Variants in LRRTM4 observed in about 807,000 individuals in gnomAD.
LRRTM4 encodes leucine rich repeat transmembrane neuronal 4.
In LRRTM4, 25 loss-of-function variants were observed where a neutral mutation model predicts 47.6. The observed-to-expected ratio is 0.53, with a 90% CI of 0.38 to 0.73. LRRTM4 has a LOEUF of 0.73. Among genes scored for constraint, LRRTM4 ranks in the 30% least tolerant of loss-of-function variants. LRRTM4 has a pLI of 0.00. For synonymous variants in LRRTM4, 311 were observed against 269.5 expected, an observed-to-expected ratio of 1.15 and a Z score of -1.51; for missense variants, 638 against 713.4, an observed-to-expected ratio of 0.89 and a Z score of 1.20.
At chr2:77,506,414 AAT>A (rs1678777125) in intron 3 of LRRTM4, among the ~76,000 whole-genome samples, 2 of 151,888 alleles carry the variant, frequency 1.3e-5, no homozygotes, top group South Asian at 4.1e-4. Flanking sequence ...CATAATGAAT[AAT>A]GTTATTATTG....
intron 3 of LRRTM4, 70 bp downstream of exon 3, chr2:77,518,248 T>C: frequency 6.8e-7 from 1 of 1,460,090 alleles, no homozygotes; most frequent in Non-Finnish European, 9.0e-7. Context: ...TAGAGACACC[T>C]CTAGGGCTTC....
Position 76,748,678 on chromosome 2 carries a change from A to G in LRRTM4, c.*17T>C, listed in dbSNP as rs748415403. ...CTCCCCCCCATGGAGCTCCCCAGTG[A>G]GGAGTTGGCTTCAGCGTTAGTTTGC... On this transcript the variant is annotated 3_prime_UTR_variant, in exon 4 of 4. Coordinates refer to ENST00000409884, the MANE Select transcript of LRRTM4 (RefSeq NM_001134745.3). 2.0e-5 allele frequency: 21 copies of G among 1,059,900 alleles called. No homozygotes were observed. Among genetic ancestry groups the G allele is most frequent in the Non-Finnish European group, 2.7e-5 (19 of 704,886 alleles). The allele number at this position is 1,059,900 out of a possible 1,614,324, so 65.7% of individuals were successfully genotyped here.
At chr2:77,243,571 G>A (rs7603897) in intron 3 of LRRTM4, among the ~76,000 whole-genome samples, 85,443 of 150,980 alleles carry the variant, frequency 0.57, 24,458 homozygotes, top group African/African-American at 0.6. Context: ...AATGGGTATA[G>A]AGTTTTAGTT....
chr2:77,511,974 C>A (rs909808442), intron 3 of LRRTM4, among the ~76,000 whole-genome samples: 2 of 152,048 alleles, frequency 1.3e-5, no homozygotes, highest in African/African-American at 2.4e-5. Flanking sequence ...TAAGAGACAG[C>A]GTCTTAGTTT....
intron 3 of LRRTM4, among the ~76,000 whole-genome samples, chr2:77,137,165 A>T (rs1308778014): frequency 6.6e-6 from 1 of 151,812 alleles, no homozygotes; most frequent in Non-Finnish European, 1.5e-5. Flanking sequence ...ACTCCAAGAC[A>T]CACAATTGTC....
chr2:77,190,226 G>T (rs1185208735), intron 3 of LRRTM4, among the ~76,000 whole-genome samples: 1 of 150,284 alleles, frequency 6.7e-6, no homozygotes, highest in Non-Finnish European at 1.5e-5. Flanking sequence ...TTGTATATTG[G>T]TTGGAGATGG....
At chr2:76,871,697 CCTT>C (rs1406418009) in intron 3 of LRRTM4, among the ~76,000 whole-genome samples, 1 of 152,162 alleles carries the variant, frequency 6.6e-6, no homozygotes, top group Non-Finnish European at 1.5e-5. Context: ...TGTAACTTTC[CCTT>C]CTGTGTTGCT....
intron 3 of LRRTM4, among the ~76,000 whole-genome samples, chr2:76,807,459 C>CACATATAT (rs1553412667): frequency 1.2e-5 from 1 of 85,630 alleles, no homozygotes. Flanking sequence ...TATATATATA[C>CACATATAT]ATATATATAT....
chr2:76,814,777 C>T (rs1018785881), intron 3 of LRRTM4, among the ~76,000 whole-genome samples: 1 of 150,904 alleles, frequency 6.6e-6, no homozygotes, highest in Non-Finnish European at 1.5e-5. Flanking sequence ...AATAGCAATA[C>T]TAAAATGGCT....
rs192371719 is a variant in LRRTM4, at chr2:77,145,120, A to G, written c.1551+373198T>C. ...ATAGGAAGATACATAGATAACAGACATAGAGTAGCAAGCTAAAATAGATAC... is the reference window on the plus strand; with the variant it reads ...ATAGGAAGATACATAGATAACAGACGTAGAGTAGCAAGCTAAAATAGATAC... On this transcript the variant is annotated intron_variant, in intron 3 of 3. Transcript: ENST00000409884. Among the ~76,000 whole-genome samples the G allele has an allele frequency of 2.6e-4, 39 of 152,230 alleles. No individual in the cohort carries two copies. In the East Asian group the frequency reaches 6.8e-3, roughly 26 times the overall value.
At chr2:77,145,438 G>C (rs933687081) in intron 3 of LRRTM4, among the ~76,000 whole-genome samples, 1 of 151,592 alleles carries the variant, frequency 6.6e-6, no homozygotes, top group Non-Finnish European at 1.5e-5. Flanking sequence ...ATATTTGAAC[G>C]AATTAAAATC....
chr2:76,919,831 G>C (rs1573314230), intron 3 of LRRTM4, among the ~76,000 whole-genome samples: 1 of 152,122 alleles, frequency 6.6e-6, no homozygotes, highest in African/African-American at 2.4e-5. Flanking sequence ...ACAGAATTAA[G>C]TCTTACATAT....
chr2:77,225,960 T>G (rs1674792191), intron 3 of LRRTM4, among the ~76,000 whole-genome samples: 1 of 151,974 alleles, frequency 6.6e-6, no homozygotes, highest in African/African-American at 2.4e-5. Context: ...AAGTAATTTA[T>G]TCTTACTGCG....
At chr2:77,314,115 A>G (rs1327180124) in intron 3 of LRRTM4, among the ~76,000 whole-genome samples, 1 of 152,186 alleles carries the variant, frequency 6.6e-6, no homozygotes, top group Admixed American at 6.5e-5. Flanking sequence ...AAACTCACGC[A>G]TATTTTAGAT....
chr2:77,224,348 A>G (rs1164017230), intron 3 of LRRTM4, among the ~76,000 whole-genome samples: 3 of 152,256 alleles, frequency 2.0e-5, no homozygotes, highest in Non-Finnish European at 4.4e-5. Context: ...ACAAAAGCCA[A>G]AAATGACAAA....
intron 3 of LRRTM4, among the ~76,000 whole-genome samples, chr2:76,802,026 T>C (rs575366105): frequency 3.9e-5 from 6 of 152,204 alleles, no homozygotes; most frequent in African/African-American, 1.4e-4. Flanking sequence ...TATTCAACGG[T>C]GAAAAGTGGA....
chr2:76,880,939 G>A (rs906384119), intron 3 of LRRTM4, among the ~76,000 whole-genome samples: 1 of 152,076 alleles, frequency 6.6e-6, no homozygotes, highest in South Asian at 2.1e-4. Flanking sequence ...CAAGAGTCTG[G>A]GAAGGGTACA....
intron 3 of LRRTM4, among the ~76,000 whole-genome samples, chr2:77,286,738 T>G (rs1159354579): frequency 6.6e-6 from 1 of 152,064 alleles, no homozygotes; most frequent in Non-Finnish European, 1.5e-5. Context: ...ATAAAAGTAG[T>G]CATTAACAAT....
At chr2:76,917,523 G>C (rs1674293508) in intron 3 of LRRTM4, among the ~76,000 whole-genome samples, 1 of 152,076 alleles carries the variant, frequency 6.6e-6, no homozygotes, top group Admixed American at 6.5e-5. Context: ...ACTCAGGGAG[G>C]TGTTTGGGGT....
Sources: allele counts gnomAD v4.1 joint callset (sites outside exome capture counted in the v4.1 genomes callset), GRCh38; gene constraint gnomAD v4.1.1; transcripts MANE v1.5; gene names NCBI Gene and HGNC (gene_info 2026-07-23, HGNC 2026-07-21).